PDE3A: variants seen among roughly 807,000 people sequenced by gnomAD.
PDE3A encodes cGMP-inhibited 3',5'-cyclic phosphodiesterase 3A.
In PDE3A, 43 loss-of-function variants were observed where a neutral mutation model predicts 98.3. That is an observed-to-expected ratio of 0.44 (90% CI 0.34 to 0.56). The LOEUF (loss-of-function observed/expected upper bound fraction) is 0.56, where lower values mean the gene tolerates loss of function less well. PDE3A is among the 20% of genes least tolerant of loss of function. The probability of loss-of-function intolerance (pLI) is 0.01; values close to 1 mark genes in which losing one functional copy is unlikely to be tolerated. For missense variants in PDE3A, 1,427 were observed against 1,440.7 expected (o/e 0.99, Z 0.15); for synonymous variants, 663 against 567.9 (o/e 1.17, Z -2.38).
In PDE3A at chr12:20,552,481, C is replaced by G; in HGVS notation, c.961-4179C>G. 6.2e-7 allele frequency: 1 copy of G among 1,612,720 alleles called. No homozygotes were observed. The highest frequency in any genetic ancestry group is 8.5e-7 in the Non-Finnish European group (1 of 1,179,600). The stretch of plus-strand genomic sequence containing the variant: ...AGGCTACCTGGAAGCCCTGGCCAAC[C>G]GAGAGCGAGAGAAGGAGAACAGCAA... On this transcript the variant is annotated intron_variant, in intron 1 of 15. Coordinates refer to ENST00000359062, the MANE Select transcript of PDE3A (RefSeq NM_000921.5). The surrounding 1 kb of genome is among the most constrained non-coding windows in gnomAD (Gnocchi z 5.1).
chr12:20,608,128 G>C (rs934495535), intron 2 of PDE3A, among the ~76,000 whole-genome samples: 1 of 152,026 alleles, frequency 6.6e-6, no homozygotes, highest in Non-Finnish European at 1.5e-5. Context: ...TAGCTTACCT[G>C]CTATTTATTG....
In PDE3A at chr12:20,547,483, A is replaced by G. The variant is rs185592983; in HGVS notation, c.961-9177A>G. Among the ~76,000 whole-genome samples the G allele has an allele frequency of 4.8e-3, 725 of 152,296 alleles. 6 individuals carry two copies. The highest frequency in any genetic ancestry group is 0.017 in the African/African-American group (700 of 41,588). The stretch of plus-strand genomic sequence containing the variant: ...TGAAATAGAAAGTGGACTGTGTGGT[A>G]ACCTTTACATCCTTATATGTATATT... On this transcript the variant is annotated intron_variant, in intron 1 of 15. Coordinates refer to ENST00000359062, the MANE Select transcript of PDE3A (RefSeq NM_000921.5).
At chr12:20,437,540 T>G (rs1322716949) in intron 1 of PDE3A, among the ~76,000 whole-genome samples, 2 of 152,220 alleles carry the variant, frequency 1.3e-5, no homozygotes, top group African/African-American at 4.8e-5. Flanking sequence ...CCAGGAGTTT[T>G]TACTCATGGC....
At chr12:20,528,250 A>G (rs192052801) in intron 1 of PDE3A, among the ~76,000 whole-genome samples, 6 of 152,294 alleles carry the variant, frequency 3.9e-5, no homozygotes, top group East Asian at 3.9e-4. Context: ...AGTCTTTTCA[A>G]TGCAGCCCTG....
intron 5 of PDE3A, among the ~76,000 whole-genome samples, chr12:20,623,961 T>G (rs549256427): frequency 6.6e-6 from 1 of 152,236 alleles, no homozygotes; most frequent in African/African-American, 2.4e-5. Flanking sequence ...GTGAATAGTT[T>G]TTATAAGATT....
At chr12:20,468,377 C>G (rs1199498710) in intron 1 of PDE3A, among the ~76,000 whole-genome samples, 1 of 152,100 alleles carries the variant, frequency 6.6e-6, no homozygotes, top group South Asian at 2.1e-4. Context: ...AGTTATTTAA[C>G]CTCTCTGAAT....
At chr12:20,656,763 G>A (rs2121521200) in intron 15 of PDE3A, among the ~76,000 whole-genome samples, 1 of 152,246 alleles carries the variant, frequency 6.6e-6, no homozygotes, top group East Asian at 1.9e-4. Context: ...TGTTCCCAGG[G>A]GCCCTGACTT....
intron 2 of PDE3A, among the ~76,000 whole-genome samples, chr12:20,601,650 G>GACAAATCATTAATTA (rs1168702848): frequency 6.6e-5 from 10 of 152,076 alleles, no homozygotes; most frequent in Admixed American, 3.3e-4. Context: ...TTGCAACTTA[G>GACAAATCATTAATTA]ACAAATCATT....
At chr12:20,589,593 G>A (rs995431869) in intron 2 of PDE3A, among the ~76,000 whole-genome samples, 2 of 152,040 alleles carry the variant, frequency 1.3e-5, no homozygotes, top group African/African-American at 2.4e-5. Flanking sequence ...ACATGGCCGG[G>A]CGCTGTGGCT....
At chr12:20,420,230 A>T (rs1250299175) in intron 1 of PDE3A, among the ~76,000 whole-genome samples, 4 of 152,112 alleles carry the variant, frequency 2.6e-5, no homozygotes, top group Admixed American at 6.5e-5. Flanking sequence ...AGAAGAGAGA[A>T]TGTCTGTATT....
In PDE3A at chr12:20,683,072, C is replaced by T. The variant is rs1024263651; in HGVS notation, c.*2801C>T. The T allele has an allele frequency of 2.0e-5, 3 of 152,168 alleles. No homozygotes were observed. Among genetic ancestry groups the T allele is most frequent in the African/African-American group, 7.2e-5 (3 of 41,440 alleles). 9.4% of individuals were successfully genotyped at this position (152,168 alleles called of 1,614,324 possible). A position where few individuals can be genotyped will look rare whatever the true frequency, so the allele number is the denominator to read the frequency against. ...ATCTTCATTCCAGAACTGTGTTCAG[C>T]AATCCAGGCAGATTGATACATTTTT... is the stretch of plus-strand genomic sequence containing the variant. On this transcript the variant is annotated 3_prime_UTR_variant, in exon 16 of 16. Transcript: ENST00000359062.
intron 2 of PDE3A, among the ~76,000 whole-genome samples, chr12:20,592,765 T>C (rs1373623030): frequency 6.6e-6 from 1 of 152,160 alleles, no homozygotes; most frequent in African/African-American, 2.4e-5. Flanking sequence ...TTAAGTGACA[T>C]GATACTCAGT....
chr12:20,664,702 C>A (rs1244879635), intron 15 of PDE3A, among the ~76,000 whole-genome samples: 2 of 152,144 alleles, frequency 1.3e-5, no homozygotes, highest in East Asian at 1.9e-4. Flanking sequence ...TTGCCTGACA[C>A]CATGTAAGAC....
At chr12:20,499,760 T>C (rs1202626732) in intron 1 of PDE3A, among the ~76,000 whole-genome samples, 1 of 152,146 alleles carries the variant, frequency 6.6e-6, no homozygotes, top group Admixed American at 6.6e-5. Flanking sequence ...GTTTGGCCAA[T>C]GTATATAACC....
chr12:20,394,583 A>G (rs201222806), intron 1 of PDE3A, among the ~76,000 whole-genome samples: 15 of 152,258 alleles, frequency 9.9e-5, no homozygotes, highest in East Asian at 7.7e-4. Context: ...TAGCTATCAG[A>G]GAAGCATTAT....
chr12:20,668,858 T>A (rs1306025008), intron 15 of PDE3A, among the ~76,000 whole-genome samples: 1 of 151,584 alleles, frequency 6.6e-6, no homozygotes, highest in Non-Finnish European at 1.5e-5. Flanking sequence ...AGAATGACTT[T>A]GACGAGCTGA....
At chr12:20,497,751 A>G (rs1945946157) in intron 1 of PDE3A, among the ~76,000 whole-genome samples, 1 of 152,180 alleles carries the variant, frequency 6.6e-6, no homozygotes, top group South Asian at 2.1e-4. Context: ...GAAAACAAAC[A>G]TTGGGTATTT....
intron 5 of PDE3A, among the ~76,000 whole-genome samples, chr12:20,629,662 G>A (rs1478268863): frequency 6.6e-6 from 1 of 152,070 alleles, no homozygotes; most frequent in African/African-American, 2.4e-5. Context: ...ACGACACCAG[G>A]GCTTTGGCTG....
intron 1 of PDE3A, among the ~76,000 whole-genome samples, chr12:20,407,026 C>T (rs910733233): frequency 7.2e-5 from 11 of 152,228 alleles, no homozygotes; most frequent in African/African-American, 2.6e-4. Context: ...TATTTCTGGG[C>T]TCTCTGTTCT....
Sources: allele counts gnomAD v4.1 joint callset (sites outside exome capture counted in the v4.1 genomes callset), GRCh38; gene constraint gnomAD v4.1.1; non-coding constraint Gnocchi (gnomAD v3.1); transcripts MANE v1.5; gene names NCBI Gene and HGNC (gene_info 2026-07-23, HGNC 2026-07-21).